Variants in SKAP2 observed in about 807,000 individuals in gnomAD.
The protein encoded by SKAP2 is src kinase-associated phosphoprotein 2.
A neutral mutation model predicts 54.9 loss-of-function variants in SKAP2; 28 were observed. That is an observed-to-expected ratio of 0.51 (90% CI 0.38 to 0.70). The LOEUF is 0.70. Ranked by LOEUF, SKAP2 falls within the 30% of genes least tolerant of loss-of-function variation. The pLI, the probability that SKAP2 is intolerant of heterozygous loss-of-function variation, is 0.00. For missense variants in SKAP2, 356 were observed against 424.1 expected, an observed-to-expected ratio of 0.84 and a Z score of 1.41; for synonymous variants, 137 against 134.3, an observed-to-expected ratio of 1.02 and a Z score of -0.14.
intron 9 of SKAP2, among the ~76,000 whole-genome samples, chr7:26,709,526 A>AAAC (rs1382004429): frequency 1.2e-4 from 19 of 152,328 alleles, no homozygotes; most frequent in African/African-American, 4.1e-4. Context: ...GATAATGTTT[A>AAAC]AACATTTTCC....
At chr7:26,690,143 G>C in intron 10 of SKAP2, 142 bp downstream of exon 10, 2 of 618,774 alleles carry the variant, frequency 3.2e-6, no homozygotes. Flanking sequence ...GGACTAAGCA[G>C]CTTATCAGCC....
intron 8 of SKAP2, 43 bp downstream of exon 8, chr7:26,725,880 G>T (rs982825088): frequency 6.8e-7 from 1 of 1,471,156 alleles, no homozygotes; most frequent in African/African-American, 1.4e-5. Flanking sequence ...CTGTTATTTA[G>T]TATTTAAAGA....
intron 4 of SKAP2, among the ~76,000 whole-genome samples, chr7:26,764,479 T>C (rs1783002789): frequency 6.6e-6 from 1 of 152,164 alleles, no homozygotes; most frequent in Non-Finnish European, 1.5e-5. Flanking sequence ...CCAATTCTAT[T>C]ATTCATTTTA....
chr7:26,753,695 G>A (rs1562597940), intron 4 of SKAP2, among the ~76,000 whole-genome samples: 1 of 152,188 alleles, frequency 6.6e-6, no homozygotes. Flanking sequence ...TTGCCTGCAT[G>A]TGTTGGTTCA....
intron 4 of SKAP2, among the ~76,000 whole-genome samples, chr7:26,834,055 C>G (rs931908497): frequency 3.3e-5 from 5 of 152,180 alleles, no homozygotes; most frequent in African/African-American, 1.2e-4. Flanking sequence ...CAACACCGCA[C>G]AACTACATGG....
chr7:26,730,843 T>C (rs1787808346), intron 6 of SKAP2, among the ~76,000 whole-genome samples: 2 of 152,208 alleles, frequency 1.3e-5, no homozygotes, highest in South Asian at 4.1e-4. Context: ...CACTGGCTTT[T>C]AGGTTTACAG....
chr7:26,778,791 C>T (rs904366894), intron 4 of SKAP2, among the ~76,000 whole-genome samples: 1 of 151,804 alleles, frequency 6.6e-6, no homozygotes, highest in Non-Finnish European at 1.5e-5. Flanking sequence ...ATATTGTATA[C>T]ATGTATATAA....
intron 3 of SKAP2, among the ~76,000 whole-genome samples, chr7:26,851,255 C>G (rs976701877): frequency 3.0e-5 from 3 of 99,370 alleles, no homozygotes; most frequent in Non-Finnish European, 6.2e-5. Context: ...CCGTTTTTAC[C>G]AAAAAAAAAA....
At chr7:26,819,173 A>G (rs958579211) in intron 4 of SKAP2, among the ~76,000 whole-genome samples, 9 of 152,350 alleles carry the variant, frequency 5.9e-5, no homozygotes, top group African/African-American at 1.7e-4. Context: ...GAACCAACCC[A>G]AATGCCCATC....
At chr7:26,759,411 T>C (rs529047923) in intron 4 of SKAP2, among the ~76,000 whole-genome samples, 2 of 152,302 alleles carry the variant, frequency 1.3e-5, no homozygotes, top group Admixed American at 6.5e-5. Context: ...AAATCACTGG[T>C]TCAGTGATTG....
intron 1 of SKAP2, 170 bp from the exon 2 acceptor site, chr7:26,855,060 T>C (rs926074966): frequency 6.3e-6 from 3 of 479,154 alleles, no homozygotes; most frequent in Non-Finnish European, 1.1e-5. Context: ...AAATACTAAG[T>C]TGAACAAATC....
At chr7:26,802,707 C>A (rs1239536695) in intron 4 of SKAP2, among the ~76,000 whole-genome samples, 6 of 151,868 alleles carry the variant, frequency 4.0e-5, no homozygotes, top group African/African-American at 1.4e-4. Context: ...ATGGTGAAAC[C>A]CAGTCTCTAC....
At chr7:26,768,079 C>T (rs937281930) in intron 4 of SKAP2, among the ~76,000 whole-genome samples, 9 of 152,052 alleles carry the variant, frequency 5.9e-5, no homozygotes, top group African/African-American at 2.2e-4. Context: ...CCCAGTGTCA[C>T]TGTGTGGGAG....
intron 6 of SKAP2, among the ~76,000 whole-genome samples, chr7:26,730,192 A>G (rs950150071): frequency 6.6e-6 from 1 of 152,206 alleles, no homozygotes; most frequent in Admixed American, 6.5e-5. Flanking sequence ...TTCTGGAGAG[A>G]GAAACTTCAC....
At chr7:26,840,272 T>G (rs1562631245) in intron 4 of SKAP2, among the ~76,000 whole-genome samples, 1 of 152,118 alleles carries the variant, frequency 6.6e-6, no homozygotes, top group Non-Finnish European at 1.5e-5. Context: ...GGTCTAGGAC[T>G]GAATCAGATT....
At chr7:26,808,510 C>T (rs898262005) in intron 4 of SKAP2, among the ~76,000 whole-genome samples, 9 of 151,950 alleles carry the variant, frequency 5.9e-5, no homozygotes, top group South Asian at 4.2e-4. Flanking sequence ...ACAGAGTTTC[C>T]GTTTACAATG....
Position 26,806,250 on chromosome 7 carries a change from G to T in SKAP2, c.307+37780C>A, listed in dbSNP as rs1051484374. Among the ~76,000 whole-genome samples, 28 of 152,158 alleles carry T rather than the reference G, an allele frequency of 1.8e-4. No individual in the cohort carries two copies. The East Asian group carries it at 5.0e-3, about 27-fold the overall frequency. On this transcript the variant is annotated intron_variant, in intron 4 of 12. Coordinates refer to ENST00000345317, the MANE Select transcript of SKAP2 (RefSeq NM_003930.5). ...CTTCTAAGTTTTCAAATAAAAGGAA[G>T]AATCACACACCTCTCACTTTAAATC...
intron 4 of SKAP2, among the ~76,000 whole-genome samples, chr7:26,842,344 ATT>A (rs1452419467): frequency 2.6e-5 from 4 of 151,600 alleles, no homozygotes; most frequent in Non-Finnish European, 3.0e-5. Context: ...TTTCCTGAAT[ATT>A]TTGTTATAAA....
intron 4 of SKAP2, among the ~76,000 whole-genome samples, chr7:26,819,478 G>A (rs1784342246): frequency 6.6e-6 from 1 of 151,902 alleles, no homozygotes; most frequent in South Asian, 2.1e-4. Flanking sequence ...TAGATGACGG[G>A]TTGATGGGTG....
Sources: gnomAD v4.1 joint callset for allele counts (sites outside exome capture counted in the v4.1 genomes callset) on GRCh38, gnomAD v4.1.1 for gene constraint, MANE v1.5 for transcripts, NCBI Gene and HGNC (gene_info 2026-07-23, HGNC 2026-07-21) for gene names.